MPPED1: variants seen among roughly 807,000 people sequenced by gnomAD.
MPPED1 encodes the protein metallophosphoesterase domain-containing protein 1.
A neutral mutation model predicts 36.2 loss-of-function variants in MPPED1; 16 were observed. The observed-to-expected ratio is 0.44, with a 90% CI of 0.30 to 0.67. The LOEUF (loss-of-function observed/expected upper bound fraction) is 0.67, where lower values mean the gene tolerates loss of function less well. MPPED1 is among the 30% of genes least tolerant of loss of function. MPPED1 has a pLI of 0.10. For missense variants in MPPED1, 307 were observed against 453.4 expected (o/e 0.68, Z 2.93); for synonymous variants, 199 against 191.3 (o/e 1.04, Z -0.33).
chr22:43,449,473 T>G (rs1327546317), intron 3 of MPPED1, among the ~76,000 whole-genome samples: 3 of 127,276 alleles, frequency 2.4e-5, no homozygotes, highest in Non-Finnish European at 4.7e-5. Flanking sequence ...ATTGGCTAAG[T>G]CAAGGAATGC....
intron 4 of MPPED1, among the ~76,000 whole-genome samples, chr22:43,490,425 T>G (rs778147249): frequency 6.6e-6 from 1 of 152,136 alleles, no homozygotes; most frequent in Non-Finnish European, 1.5e-5. Flanking sequence ...TCCCCAAGAT[T>G]TGAGGTCATG....
intron 1 of MPPED1, chr22:43,417,110 A>C: frequency 1.5e-6 from 1 of 686,712 alleles, no homozygotes; most frequent in Non-Finnish European, 1.8e-6. Flanking sequence ...GGAATTAGAA[A>C]GTGTAATTTA....
intron 3 of MPPED1, among the ~76,000 whole-genome samples, chr22:43,438,158 G>A (rs557657763): frequency 3.2e-4 from 48 of 152,292 alleles, no homozygotes; most frequent in Non-Finnish European, 5.7e-4. Context: ...ATAGCCATGA[G>A]GGCGGCACGG....
At chr22:43,495,962 G>A (rs1196665336) in intron 4 of MPPED1, among the ~76,000 whole-genome samples, 6 of 141,946 alleles carry the variant, frequency 4.2e-5, no homozygotes, top group Non-Finnish European at 6.2e-5. Flanking sequence ...GGAGGTGGTG[G>A]TGGTGGAGAT....
chr22:43,471,397 C>T (rs1931371155), intron 3 of MPPED1, among the ~76,000 whole-genome samples: 1 of 152,182 alleles, frequency 6.6e-6, no homozygotes, highest in Non-Finnish European at 1.5e-5. Context: ...GGTCTGCTGG[C>T]CTTGGAGGAG....
intron 3 of MPPED1, among the ~76,000 whole-genome samples, chr22:43,437,110 G>T (rs1414439345): frequency 6.6e-6 from 1 of 152,208 alleles, no homozygotes; most frequent in African/African-American, 2.4e-5. Flanking sequence ...TTGCATGGGG[G>T]TGAGAGCATG....
chr22:43,461,357 G>A (rs1322343206), intron 3 of MPPED1, among the ~76,000 whole-genome samples: 1 of 152,160 alleles, frequency 6.6e-6, no homozygotes, highest in Non-Finnish European at 1.5e-5. Context: ...GGCTACTACA[G>A]GCTTGCAAAG....
chr22:43,415,674 C>T (rs975799042), intron 1 of MPPED1, among the ~76,000 whole-genome samples: 6 of 152,048 alleles, frequency 3.9e-5, no homozygotes, highest in African/African-American at 1.2e-4. Flanking sequence ...GAAGCAGCTG[C>T]GGGAAAAAAT....
chr22:43,416,454 C>A (rs1929078229), intron 1 of MPPED1: 1 of 152,170 alleles, frequency 6.6e-6, no homozygotes, highest in African/African-American at 2.4e-5. Context: ...ACTTTCTTTG[C>A]AAATTGTATT....
intron 3 of MPPED1, among the ~76,000 whole-genome samples, chr22:43,448,421 C>T (rs1930439452): frequency 6.6e-6 from 1 of 152,138 alleles, no homozygotes; most frequent in African/African-American, 2.4e-5. Flanking sequence ...CTGCATTGGA[C>T]CACACATCTA....
At chr22:43,450,365 TG>T (rs1211360456) in intron 3 of MPPED1, among the ~76,000 whole-genome samples, 1 of 152,150 alleles carries the variant, frequency 6.6e-6, no homozygotes, top group African/African-American at 2.4e-5. Flanking sequence ...ACCTAAAAAA[TG>T]GGGCGACACA....
chr22:43,492,802 G>T (rs1460815211), intron 4 of MPPED1, among the ~76,000 whole-genome samples: 4 of 152,216 alleles, frequency 2.6e-5, no homozygotes, highest in South Asian at 2.1e-4. Flanking sequence ...GCTGGTAGGG[G>T]ACTGGGGAGG....
At chr22:43,421,205 G>C (rs903616597) in intron 1 of MPPED1, among the ~76,000 whole-genome samples, 2 of 152,272 alleles carry the variant, frequency 1.3e-5, no homozygotes, top group African/African-American at 4.8e-5. Context: ...CTCCTCCGTG[G>C]ATCGGCTGCA....
chr22:43,466,172 A>G (rs1049116149), intron 3 of MPPED1, among the ~76,000 whole-genome samples: 3 of 152,272 alleles, frequency 2.0e-5, no homozygotes, highest in African/African-American at 7.2e-5. Flanking sequence ...AGGATGGAAC[A>G]GAAGAAAAAT....
chr22:43,482,161 T>G (rs1931769835), intron 4 of MPPED1, among the ~76,000 whole-genome samples: 1 of 152,190 alleles, frequency 6.6e-6, no homozygotes, highest in Non-Finnish European at 1.5e-5. Flanking sequence ...CGTATTCATT[T>G]ATGGGTTTTG....
intron 3 of MPPED1, among the ~76,000 whole-genome samples, chr22:43,450,256 G>A (rs1930516402): frequency 1.3e-5 from 2 of 152,248 alleles, no homozygotes; most frequent in African/African-American, 4.8e-5. Flanking sequence ...ACAGGGGCCA[G>A]GGGAAAGGAA....
intron 2 of MPPED1, among the ~76,000 whole-genome samples, chr22:43,430,734 C>A (rs1236660744): frequency 1.3e-5 from 2 of 151,598 alleles, no homozygotes; most frequent in Non-Finnish European, 2.9e-5. Flanking sequence ...CCATTTTGCA[C>A]TTTTTTTTTG....
At chr22:43,412,743 G>C (rs1046132932) in intron 1 of MPPED1, among the ~76,000 whole-genome samples, 1 of 151,682 alleles carries the variant, frequency 6.6e-6, no homozygotes, top group Non-Finnish European at 1.5e-5. Flanking sequence ...CTATGTGCTC[G>C]GCCAGGGGAT....
At chr22:43,478,880 T>C (rs1321613870) in intron 4 of MPPED1, among the ~76,000 whole-genome samples, 1 of 152,064 alleles carries the variant, frequency 6.6e-6, no homozygotes, top group African/African-American at 2.4e-5. Context: ...CATGACGTGA[T>C]CTAGGGAGCG....
Sources: gnomAD v4.1 joint callset for allele counts (sites outside exome capture counted in the v4.1 genomes callset) on GRCh38, gnomAD v4.1.1 for gene constraint, MANE v1.5 for transcripts, NCBI Gene and HGNC (gene_info 2026-07-23, HGNC 2026-07-21) for gene names.